The following RELL1 variants were observed in gnomAD, a reference collection of about 807,000 sequenced individuals.
RELL1 encodes the protein RELT like 1.
Under a neutral mutation model 23.0 loss-of-function variants are expected in RELL1, and 10 were observed. That is an observed-to-expected ratio of 0.43 (90% confidence interval 0.27 to 0.74). The LOEUF (loss-of-function observed/expected upper bound fraction) is 0.74. Ranked by LOEUF, RELL1 falls within the 30% of genes least tolerant of loss-of-function variation. RELL1 has a pLI of 0.19. For missense variants in RELL1, 315 were observed against 364.4 expected (o/e 0.86, Z 1.10); for synonymous variants, 146 against 146.8 (o/e 0.99, Z 0.04).
At chr4:37,680,271 C>T (rs139527955) in intron 1 of RELL1, among the ~76,000 whole-genome samples, 21 of 152,116 alleles carry the variant, frequency 1.4e-4, no homozygotes, top group African/African-American at 4.3e-4. Flanking sequence ...CTGGGATGAC[C>T]TTCAGATCAA....
chr4:37,665,271 C>A (rs1371184350), intron 1 of RELL1: 1 of 456,158 alleles, frequency 2.2e-6, no homozygotes, highest in African/African-American at 2.0e-5. Flanking sequence ...AGCTGGACAA[C>A]TGATACACCC....
intron 1 of RELL1, among the ~76,000 whole-genome samples, chr4:37,678,759 A>T (rs1722105685): frequency 6.6e-6 from 1 of 152,238 alleles, no homozygotes; most frequent in African/African-American, 2.4e-5. Flanking sequence ...TACATAACTG[A>T]CACAACAATG....
rs7696137 is a variant in RELL1 at position 37,686,239 on chromosome 4, A to G, written c.49T>C (p.Phe17Leu). Residue 17 changes from phenylalanine to leucine, a missense_variant, in exon 1 of 7, where the codon TTC (phenylalanine) becomes CTC (leucine). Coordinates refer to ENST00000454158, the MANE Select transcript of RELL1 (RefSeq NM_001085400.2). ...GGCGAACTCACGGCGCCTCCCACGA[A>G]GACAGCAGCGGCTAGGACGGCGGAC... ...PGSAVLAAAV[F>L]VGGAVSSPLV... The G allele has an allele frequency of 3.9e-3, 6,135 of 1,580,932 alleles. 212 individuals are homozygous for G. In the African/African-American group the frequency reaches 0.077, roughly 20 times the overall value.
chr4:37,597,816 C>G (rs1346409390), intron 6 of RELL1, among the ~76,000 whole-genome samples: 1 of 151,734 alleles, frequency 6.6e-6, no homozygotes, highest in Non-Finnish European at 1.5e-5. Context: ...TTTGGGAGGC[C>G]GAGGCAGGCG....
chr4:37,636,737 G>A (rs1235652011), intron 4 of RELL1, among the ~76,000 whole-genome samples: 1 of 152,208 alleles, frequency 6.6e-6, no homozygotes, highest in Non-Finnish European at 1.5e-5. Context: ...CTCTGGTGCA[G>A]GTGGGAGTAC....
intron 1 of RELL1, among the ~76,000 whole-genome samples, chr4:37,668,784 C>T (rs1420409653): frequency 1.0e-4 from 14 of 133,752 alleles, no homozygotes; most frequent in Admixed American, 3.6e-4. Context: ...CGCCTCTTCC[C>T]GGCCGCCACC....
chr4:37,684,501 C>T (rs1722333284), intron 1 of RELL1, among the ~76,000 whole-genome samples: 1 of 152,148 alleles, frequency 6.6e-6, no homozygotes, highest in Non-Finnish European at 1.5e-5. Flanking sequence ...TTACATGCAT[C>T]ATGTGCTGAA....
intron 6 of RELL1, among the ~76,000 whole-genome samples, chr4:37,604,888 GAC>G (rs757621847): frequency 0.36 from 22,155 of 61,990 alleles, 3,264 homozygotes; most frequent in South Asian, 0.53. Context: ...CATACACACA[GAC>G]ACACACACAG....
chr4:37,669,371 TC>T (rs1560357067), intron 1 of RELL1, among the ~76,000 whole-genome samples: 1 of 102,062 alleles, frequency 9.8e-6, no homozygotes, highest in East Asian at 3.3e-4. Flanking sequence ...GGGGGGTCAG[TC>T]CCCGGCCCGG....
chr4:37,645,061 GC>G (rs1434768685), intron 3 of RELL1, among the ~76,000 whole-genome samples: 1 of 152,162 alleles, frequency 6.6e-6, no homozygotes, highest in Non-Finnish European at 1.5e-5. Flanking sequence ...CACAGAACAG[GC>G]CCAGCACATA....
intron 3 of RELL1, among the ~76,000 whole-genome samples, chr4:37,641,663 A>C (rs963457100): frequency 2.6e-5 from 4 of 152,040 alleles, no homozygotes; most frequent in Admixed American, 2.6e-4. Flanking sequence ...TCCAGAAAAG[A>C]CCTCTTTTTC....
chr4:37,658,344 T>C (rs998122747), intron 1 of RELL1, among the ~76,000 whole-genome samples: 2 of 152,196 alleles, frequency 1.3e-5, no homozygotes, highest in Non-Finnish European at 2.9e-5. Flanking sequence ...TAGGGTGAGA[T>C]GGCTCCAGAA....
chr4:37,588,956 A>G, downstream of RELL1: 2 of 1,286,628 alleles, frequency 1.6e-6, no homozygotes, highest in Admixed American at 3.4e-5. Flanking sequence ...GCGTGGGGTC[A>G]CTTTTAAAGA....
At chr4:37,665,476 C>T (rs919753843) in intron 1 of RELL1, 4 of 358,256 alleles carry the variant, frequency 1.1e-5, no homozygotes, top group Admixed American at 1.1e-4. Flanking sequence ...TCCAATTCAT[C>T]CCCAACTGCC....
chr4:37,678,386 AG>A (rs1311408620), intron 1 of RELL1, among the ~76,000 whole-genome samples: 1 of 152,256 alleles, frequency 6.6e-6, no homozygotes, highest in Non-Finnish European at 1.5e-5. Context: ...CACCTTATAA[AG>A]GTAATGCTTT....
At chr4:37,627,080 C>A (rs1719978757) in intron 6 of RELL1, among the ~76,000 whole-genome samples, 1 of 152,156 alleles carries the variant, frequency 6.6e-6, no homozygotes, top group African/African-American at 2.4e-5. Context: ...TTCATTAGCT[C>A]AATTTAGCCA....
rs1013417150 is a variant in RELL1, at chr4:37,612,087, G to A, written c.*1259C>T. ...AGCTACTCAGGAGGCTGAGGCAGGA[G>A]AATGGCGTGAACTCAGAAGGTGGAG... On this transcript the variant is annotated 3_prime_UTR_variant, in exon 7 of 7. Transcript: ENST00000454158. Among the ~76,000 whole-genome samples, 5 of 150,594 alleles carry A rather than the reference G, an allele frequency of 3.3e-5. No individual in the cohort carries two copies. The highest frequency in any genetic ancestry group is 2.1e-4 in the South Asian group (1 of 4,778).
chr4:37,643,362 T>A (rs1489096085), intron 3 of RELL1, among the ~76,000 whole-genome samples: 1 of 152,196 alleles, frequency 6.6e-6, no homozygotes, highest in East Asian at 1.9e-4. Flanking sequence ...ATTAAAGACA[T>A]AATGTGTTTA....
At chr4:37,604,703 C>T (rs1719106035) in intron 6 of RELL1, among the ~76,000 whole-genome samples, 1 of 151,896 alleles carries the variant, frequency 6.6e-6, no homozygotes, top group Non-Finnish European at 1.5e-5. Context: ...AAGGAGCTGA[C>T]TTAAGAAACT....
Sources: allele counts gnomAD v4.1 joint callset (sites outside exome capture counted in the v4.1 genomes callset), GRCh38; gene constraint gnomAD v4.1.1; transcripts MANE v1.5; gene names NCBI Gene and HGNC (gene_info 2026-07-23, HGNC 2026-07-21).